Variants in SYBU observed in about 807,000 individuals in gnomAD.
SYBU encodes the protein syntabulin.
SYBU carries 21 observed loss-of-function variants against 35.9 expected under a neutral mutation model. The ratio of observed to expected loss-of-function variants is 0.58; its 90% CI spans 0.41 to 0.84. SYBU has a LOEUF of 0.84. SYBU is among the 40% of genes least tolerant of loss of function. The pLI, the probability that SYBU is intolerant of heterozygous loss-of-function variation, is 0.00. For missense variants in SYBU, 768 were observed against 848.2 expected (o/e 0.91, Z 1.17); for synonymous variants, 319 against 324.3 (o/e 0.98, Z 0.18).
chr8:109,575,686 G>T lies in SYBU; in HGVS notation c.1212C>A (p.Asn404Lys), dbSNP rs1390089603. 1 of 1,614,132 alleles carries T rather than the reference G, an allele frequency of 6.2e-7. No individual in the cohort carries two copies. Among genetic ancestry groups the T allele is most frequent in the South Asian group, 1.1e-5 (1 of 91,076 alleles). The change falls in exon 7 of 7, where the codon AAC becomes AAA. Residue 404 changes from asparagine to lysine, a missense_variant. Asn to Lys is a moderately conservative substitution (Grantham distance 94). Transcript: ENST00000276646. ...CDSPEKSLTLNPPLDTMADGL... is the reference protein window; with the variant it reads ...CDSPEKSLTLKPPLDTMADGL... ...CATCTGCCATTGTGTCAAGAGGGGG[G>T]TTGAGGGTTAAGCTCTTCTCTGGGG... is the stretch of plus-strand genomic sequence containing the variant.
upstream of SYBU, chr8:109,646,799 C>G (rs1445393972): frequency 6.6e-6 from 1 of 152,224 alleles, no homozygotes; most frequent in Non-Finnish European, 1.5e-5. Flanking sequence ...GGACTTTTTT[C>G]TCTCATTCAC....
chr8:109,587,618 T>C (rs1823773764), intron 3 of SYBU, among the ~76,000 whole-genome samples: 1 of 152,228 alleles, frequency 6.6e-6, no homozygotes, highest in Non-Finnish European at 1.5e-5. Flanking sequence ...AACAGATTTC[T>C]CTTTCTGATG....
intron 2 of SYBU, among the ~76,000 whole-genome samples, chr8:109,632,718 T>G (rs745790032): frequency 6.6e-6 from 1 of 152,196 alleles, no homozygotes. Context: ...ACATTCATAA[T>G]ACAAAATTCT....
intron 3 of SYBU, among the ~76,000 whole-genome samples, chr8:109,614,748 A>G (rs1353723422): frequency 6.6e-6 from 1 of 152,262 alleles, no homozygotes; most frequent in Non-Finnish European, 1.5e-5. Flanking sequence ...ACATGAAAAC[A>G]CAAAGCCACC....
rs3134345 is a variant in SYBU at position 109,598,527 on chromosome 8, T to C, written c.428-12365A>G. On this transcript the variant is annotated intron_variant, in intron 3 of 6. Coordinates refer to ENST00000276646, the MANE Select transcript of SYBU (RefSeq NM_001099754.2). ...AAAGAGTACCTATCATATGGAATTTTTGTGAGAATTAAACGCCATAATATG... is the reference window on the plus strand; with the variant it reads ...AAAGAGTACCTATCATATGGAATTTCTGTGAGAATTAAACGCCATAATATG... Among the ~76,000 whole-genome samples the C allele has an allele frequency of 4.6e-5, 7 of 152,330 alleles. No individual in the cohort carries two copies. The East Asian group carries it at 9.6e-4, about 21-fold the overall frequency.
chr8:109,674,250 T>TG (rs1491521293), intron 1 of SYBU, among the ~76,000 whole-genome samples: 11 of 84,456 alleles, frequency 1.3e-4, no homozygotes, highest in African/African-American at 4.3e-4. Context: ...AAGGTTGAAA[T>TG]GAAAAAAAAA....
At position 109,642,623 on chromosome 8, in the gene SYBU, T is replaced by G. The variant is rs1282221796; in HGVS notation, c.229+105A>C. 8.0e-6 allele frequency: 5 copies of G among 626,334 alleles called. No homozygotes were observed. The Admixed American group carries it at 1.6e-4, about 20-fold the overall frequency. The allele number at this position is 626,334 out of a possible 1,614,324, so 38.8% of individuals were successfully genotyped here. A position where few individuals can be genotyped will look rare whatever the true frequency, so the allele number is the denominator to read the frequency against. ...CACCTTCTACAATTCATCCTAATAGTAGAAGTGTAGTTCTAGGCTATAAGG... is the reference window on the plus strand; with the variant it reads ...CACCTTCTACAATTCATCCTAATAGGAGAAGTGTAGTTCTAGGCTATAAGG... On this transcript the variant is annotated intron_variant, in intron 2 of 6. Transcript: ENST00000276646.
At chr8:109,685,788 T>C (rs1353205013), upstream of SYBU, among the ~76,000 whole-genome samples, 1 of 152,158 alleles carries the variant, frequency 6.6e-6, no homozygotes, top group African/African-American at 2.4e-5. Context: ...TTTAAAATTA[T>C]ATGAAAAATG....
chr8:109,646,984 G>A (rs1815762618), upstream of SYBU: 1 of 152,156 alleles, frequency 6.6e-6, no homozygotes, highest in African/African-American at 2.4e-5. Flanking sequence ...CTTGCTTTCA[G>A]CCTTGCCTCT....
At chr8:109,652,233 G>A (rs1816172913) in intron 1 of SYBU, among the ~76,000 whole-genome samples, 1 of 152,192 alleles carries the variant, frequency 6.6e-6, no homozygotes, top group Admixed American at 6.5e-5. Flanking sequence ...GAGATGTTCA[G>A]GGGTGAGTTT....
At chr8:109,645,640 T>G (rs555448033), upstream of SYBU, 290 of 285,398 alleles carry the variant, frequency 1.0e-3, 6 homozygotes, top group African/African-American at 5.3e-3. Flanking sequence ...TTTGTTTTTT[T>G]TTTTTTCCGT....
chr8:109,683,353 A>G (rs932029331), upstream of SYBU, among the ~76,000 whole-genome samples: 1 of 152,216 alleles, frequency 6.6e-6, no homozygotes, highest in African/African-American at 2.4e-5. Context: ...TGAGACATGA[A>G]GTCAAAAGAG....
At chr8:109,640,046 T>C (rs1786872270) in intron 2 of SYBU, among the ~76,000 whole-genome samples, 1 of 152,114 alleles carries the variant, frequency 6.6e-6, no homozygotes, top group Admixed American at 6.5e-5. Context: ...TGAAGAGAGA[T>C]GAGGGAGAGG....
At chr8:109,665,819 A>G (rs1442884328) in intron 1 of SYBU, among the ~76,000 whole-genome samples, 1 of 152,240 alleles carries the variant, frequency 6.6e-6, no homozygotes, top group South Asian at 2.1e-4. Flanking sequence ...TAAATAAGCA[A>G]TCATATAACA....
chr8:109,595,260 T>A (rs1824733415), intron 3 of SYBU, among the ~76,000 whole-genome samples: 1 of 152,006 alleles, frequency 6.6e-6, no homozygotes, highest in Non-Finnish European at 1.5e-5. Flanking sequence ...ATAAAAAAAA[T>A]AAAAGATGGT....
At chr8:109,605,471 G>A (rs1273822079) in intron 3 of SYBU, among the ~76,000 whole-genome samples, 1 of 152,184 alleles carries the variant, frequency 6.6e-6, no homozygotes, top group Middle Eastern at 3.4e-3. Flanking sequence ...CTACCCCCCT[G>A]CTCCTTTTTT....
chr8:109,602,469 CA>C (rs1213834003), intron 3 of SYBU, among the ~76,000 whole-genome samples: 1 of 149,056 alleles, frequency 6.7e-6, no homozygotes, highest in Non-Finnish European at 1.5e-5. Context: ...GTTTCACTCC[CA>C]TCGTCCAGGC....
At position 109,575,866 on chromosome 8, in the gene SYBU, C is replaced by T. The variant is rs765120858; in HGVS notation, c.1032G>A (p.Met344Ile). 3.7e-6 allele frequency: 6 copies of T among 1,614,040 alleles called. No individual in the cohort carries two copies. Among genetic ancestry groups the T allele is most frequent in the Non-Finnish European group, 5.1e-6 (6 of 1,179,998 alleles). Residue 344 changes from methionine to isoleucine, a missense_variant, in exon 7 of 7, where the codon ATG becomes ATA. By Grantham distance (10) the Met-to-Ile change is conservative. Transcript: ENST00000276646. Reference protein sequence around the residue: ...IKQLKQVIETMRSSLADKDKG... With the variant: ...IKQLKQVIETIRSSLADKDKG... The stretch of plus-strand genomic sequence containing the variant: ...TATCTTTATCAGCCAAGCTGCTCCG[C>T]ATGGTTTCGATGACCTGTTTGAGCT...
In SYBU at chr8:109,642,738, G is replaced by A. The variant is rs1245344303; in HGVS notation, c.219C>T (p.Ser73=). ...GRSARTVSSN[S]FCSDDTGCPS... The stretch of plus-strand genomic sequence containing the variant: ...CCGAGGGTACTGTACCTGAGCAGAA[G>A]CTGTTGCTGCTAACGGTCCTCGCTG... The change falls in exon 2 of 7, where the codon AGC becomes AGT. Residue 73 remains serine (S), a synonymous_variant. Transcript: ENST00000276646. 2 of 1,603,104 alleles carry A rather than the reference G, an allele frequency of 1.2e-6. No individual in the cohort carries two copies. Among genetic ancestry groups the A allele is most frequent in the Non-Finnish European group, 1.7e-6 (2 of 1,174,934 alleles).
Sources: allele counts gnomAD v4.1 joint callset (sites outside exome capture counted in the v4.1 genomes callset), GRCh38; gene constraint gnomAD v4.1.1; transcripts MANE v1.5; gene names NCBI Gene and HGNC (gene_info 2026-07-23, HGNC 2026-07-21).